POU2F1: variants seen among roughly 807,000 people sequenced by gnomAD.
POU2F1 encodes the protein POU class 2 homeobox 1, also known as POU domain, class 2, transcription factor 1.
Under a neutral mutation model 84.9 loss-of-function variants are expected in POU2F1, and 16 were observed. The observed-to-expected ratio is 0.19, with a 90% confidence interval of 0.13 to 0.29. The LOEUF is 0.29. POU2F1 is among the 10% of genes least tolerant of loss of function. The pLI, the probability that POU2F1 is intolerant of heterozygous loss-of-function variation, is 1.00. For missense variants in POU2F1, 738 were observed against 942.6 expected (o/e 0.78, Z 2.84); for synonymous variants, 368 against 368.3 (o/e 1.00, Z 0.01).
At chr1:167,388,739 G>A (rs1200220805) in intron 8 of POU2F1, among the ~76,000 whole-genome samples, 1 of 152,024 alleles carries the variant, frequency 6.6e-6, no homozygotes, top group Admixed American at 6.6e-5. Flanking sequence ...AAAGTCCTCG[G>A]TTAGCTGACA....
In POU2F1 at chr1:167,413,053, G is replaced by T. The variant is rs1298734066; in HGVS notation, c.1929G>T (p.Gly643=). The T allele has an allele frequency of 6.2e-6, 10 of 1,613,998 alleles. No individual in the cohort carries two copies. In the Admixed American group the frequency reaches 1.3e-4, roughly 22 times the overall value. The change falls in exon 15 of 16, where the codon GGG becomes GGT. Residue 643 remains glycine, a synonymous_variant. Coordinates refer to ENST00000367866, the MANE Select transcript of POU2F1 (RefSeq NM_002697.4). The part of the protein sequence containing the change: ...AGGALLSLNP[G]TLSGALSPAL... ...GTGCCTTACTCAGTCTGAATCCAGG[G>T]ACCCTGAGCGGTGCTCTCAGCCCAG...
At chr1:167,275,893 C>A (rs1018330138) in intron 1 of POU2F1, among the ~76,000 whole-genome samples, 5 of 152,106 alleles carry the variant, frequency 3.3e-5, no homozygotes, top group Non-Finnish European at 7.4e-5. Flanking sequence ...TGGAAATATT[C>A]AAGAAAAAGT....
intron 2 of POU2F1, among the ~76,000 whole-genome samples, chr1:167,356,564 T>G (rs746632027): frequency 2.2e-4 from 34 of 152,050 alleles, no homozygotes; most frequent in Non-Finnish European, 4.4e-4. Flanking sequence ...GTAGAAGGTA[T>G]TTGAGTCACT....
At chr1:167,315,922 G>T (rs1244801321) in intron 1 of POU2F1, among the ~76,000 whole-genome samples, 1 of 152,060 alleles carries the variant, frequency 6.6e-6, no homozygotes, top group East Asian at 1.9e-4. Context: ...CCAAAGCTTT[G>T]TTGGATCTCA....
intron 9 of POU2F1, among the ~76,000 whole-genome samples, chr1:167,392,255 G>T (rs906906454): frequency 8.6e-5 from 13 of 151,886 alleles, no homozygotes; most frequent in African/African-American, 2.9e-4. Flanking sequence ...GGAGGCTGAG[G>T]CAGGGACAGT....
chr1:167,397,915 T>G (rs899436066), intron 10 of POU2F1, 79 bp from the exon 11 acceptor site: 1 of 1,398,634 alleles, frequency 7.1e-7, no homozygotes. Context: ...TTTGTCAGTT[T>G]TGTTGTTAAT....
Position 167,424,615 on chromosome 1 carries a change from T to C in POU2F1, c.*8805T>C, listed in dbSNP as rs1650841495. 1 of 152,254 alleles carries C rather than the reference T, an allele frequency of 6.6e-6. No homozygotes were observed. The highest frequency in any genetic ancestry group is 1.5e-5 in the Non-Finnish European group (1 of 68,076). The allele number at this position is 152,254 out of a possible 1,614,324, so 9.4% of individuals were successfully genotyped here. A position where few individuals can be genotyped will look rare whatever the true frequency, so the allele number is the denominator to read the frequency against. Reference sequence around the variant, plus strand: ...CCCTCCCTCCTCAGTCATGTTAAACTCTGGCCTATAGCATCATGGGACCTG... The same window carrying C: ...CCCTCCCTCCTCAGTCATGTTAAACCCTGGCCTATAGCATCATGGGACCTG... On this transcript the variant is annotated 3_prime_UTR_variant, in exon 16 of 16. Transcript: ENST00000367866.
chr1:167,396,683 A>G, intron 10 of POU2F1: 1 of 403,944 alleles, frequency 2.5e-6, no homozygotes, highest in Non-Finnish European at 4.4e-6. Flanking sequence ...AGCCAGGATT[A>G]GGAACACACA....
At chr1:167,269,650 C>G (rs868016924) in intron 1 of POU2F1, among the ~76,000 whole-genome samples, 21 of 152,306 alleles carry the variant, frequency 1.4e-4, no homozygotes, top group African/African-American at 5.1e-4. Flanking sequence ...CGGTGACTCA[C>G]GCCTATAATC....
rs538355599 is a variant in POU2F1, at chr1:167,340,202, C to T, written c.127+7667C>T. Among the ~76,000 whole-genome samples the T allele has an allele frequency of 3.3e-5, 5 of 151,870 alleles. No homozygotes were observed. In the South Asian group the frequency reaches 1.0e-3, roughly 32 times the overall value. On this transcript the variant is annotated intron_variant, in intron 2 of 15. Coordinates refer to ENST00000367866, the MANE Select transcript of POU2F1 (RefSeq NM_002697.4). ...TCAAGCAATTCTCCTGCCTCAGCCT[C>T]CCAAGTAGCTGGGATTACAGGCATG...
At chr1:167,284,733 T>G (rs1330812755) in intron 1 of POU2F1, among the ~76,000 whole-genome samples, 1 of 152,234 alleles carries the variant, frequency 6.6e-6, no homozygotes, top group Non-Finnish European at 1.5e-5. Context: ...GGGGAATAAC[T>G]TGTTTCTAGT....
chr1:167,374,010 A>C, intron 5 of POU2F1, 98 bp from the exon 6 acceptor site: 6 of 1,090,530 alleles, frequency 5.5e-6, no homozygotes, highest in Non-Finnish European at 8.5e-6. Context: ...GTAGCTGGGG[A>C]CTGATATCAT....
intron 1 of POU2F1, among the ~76,000 whole-genome samples, chr1:167,231,335 A>G (rs1649047898): frequency 6.6e-6 from 1 of 152,156 alleles, no homozygotes; most frequent in Non-Finnish European, 1.5e-5. Context: ...TCATCTGGGT[A>G]CCTGAATATT....
chr1:167,248,121 A>T (rs1316360455), intron 1 of POU2F1, among the ~76,000 whole-genome samples: 1 of 152,214 alleles, frequency 6.6e-6, no homozygotes, highest in Non-Finnish European at 1.5e-5. Context: ...TTCTGAATTT[A>T]AAAAAGCATT....
At chr1:167,230,750 T>C (rs1277164734) in intron 1 of POU2F1, among the ~76,000 whole-genome samples, 6 of 152,240 alleles carry the variant, frequency 3.9e-5, no homozygotes, top group Admixed American at 3.3e-4. Context: ...TAATTGATTA[T>C]GTAAGTAAAT....
Position 167,415,486 on chromosome 1 carries a change from G to T in POU2F1, c.1991-14G>T, listed in dbSNP as rs373426270. 6.2e-7 allele frequency: 1 copy of T among 1,611,992 alleles called. No homozygotes were observed. The highest frequency in any genetic ancestry group is 8.5e-7 in the Non-Finnish European group (1 of 1,178,632). On this transcript the variant is annotated splice_polypyrimidine_tract_variant and intron_variant, in intron 15 of 15. Transcript: ENST00000367866. ...TTTTCATTCCTGCCTGTTTTGGGGG[G>T]TTTTTGTCTGTAGCTCTTGCTTCTG...
chr1:167,286,740 A>G (rs954596266), intron 1 of POU2F1, among the ~76,000 whole-genome samples: 7 of 152,166 alleles, frequency 4.6e-5, no homozygotes, highest in African/African-American at 1.7e-4. Flanking sequence ...GGGGCAAACA[A>G]TACTGTTTTA....
rs779883661 is a variant in POU2F1, at chr1:167,244,264, A to G, written c.61+23306A>G. On this transcript the variant is annotated intron_variant, in intron 1 of 15. Coordinates refer to ENST00000367866, the MANE Select transcript of POU2F1 (RefSeq NM_002697.4). ...TCAGGTGGGTCCTCACAAGGTTGCA[A>G]TTAAGATATTGGTCAGAGCTACAGC... Among the ~76,000 whole-genome samples the G allele has an allele frequency of 5.3e-5, 8 of 152,202 alleles. No individual in the cohort carries two copies. In the South Asian group the frequency reaches 8.3e-4, roughly 16 times the overall value.
chr1:167,311,729 A>G (rs919620153), intron 1 of POU2F1, among the ~76,000 whole-genome samples: 4 of 151,946 alleles, frequency 2.6e-5, no homozygotes, highest in African/African-American at 4.8e-5. Flanking sequence ...CAGCTATACA[A>G]TGTCTTTGTA....
Sources: gnomAD v4.1 joint callset for allele counts (sites outside exome capture counted in the v4.1 genomes callset) on GRCh38, gnomAD v4.1.1 for gene constraint, MANE v1.5 for transcripts, NCBI Gene and HGNC (gene_info 2026-07-23, HGNC 2026-07-21) for gene names.